The following SCHIP1 variants were observed in gnomAD, a reference collection of about 807,000 sequenced individuals.
The protein encoded by SCHIP1 is schwannomin interacting protein 1, also known as schwannomin-interacting protein 1.
Under a neutral mutation model 29.7 loss-of-function variants are expected in SCHIP1, and 8 were observed. The ratio of observed to expected loss-of-function variants is 0.27; its 90% CI spans 0.16 to 0.49. The LOEUF is 0.49. Among genes scored for constraint, SCHIP1 ranks in the 20% least tolerant of loss-of-function variants. The pLI is 0.99. For synonymous variants in SCHIP1, 76 were observed against 94.9 expected (o/e 0.80, Z 1.16); for missense variants, 193 against 294.6 (o/e 0.66, Z 2.52).
At chr3:159,722,463 C>A in the SCHIP1 span, 1 of 152,252 alleles carries the variant, frequency 6.6e-6, no homozygotes, top group Non-Finnish European at 1.5e-5. Context: ...CTTCTCGAGG[C>A]ATCTCATCAA....
chr3:159,610,306 A>C, the SCHIP1 span, among the ~76,000 whole-genome samples: 2 of 152,208 alleles, frequency 1.3e-5, no homozygotes, highest in African/African-American at 4.8e-5. Flanking sequence ...TGGAACTGAT[A>C]GGAACCGTTG....
intron 2 of SCHIP1, among the ~76,000 whole-genome samples, chr3:159,873,497 C>T (rs1715483688): frequency 6.6e-6 from 1 of 152,180 alleles, no homozygotes; most frequent in South Asian, 2.1e-4. Flanking sequence ...CTAGATGTTG[C>T]TATCTCCTAA....
chr3:159,627,047 G>A, the SCHIP1 span, among the ~76,000 whole-genome samples: 2 of 152,014 alleles, frequency 1.3e-5, no homozygotes, highest in East Asian at 1.9e-4. Context: ...CCACCCCGAC[G>A]GGCCCCGGTG....
At chr3:159,617,179 T>G in the SCHIP1 span, among the ~76,000 whole-genome samples, 3 of 152,314 alleles carry the variant, frequency 2.0e-5, no homozygotes, top group African/African-American at 7.2e-5. Context: ...TAGAGATATC[T>G]GGTAAGCAAC....
chr3:159,380,556 G>T, the SCHIP1 span, among the ~76,000 whole-genome samples: 2 of 151,918 alleles, frequency 1.3e-5, no homozygotes, highest in South Asian at 4.2e-4. Context: ...AAACATTAAT[G>T]GTAATATTAA....
the SCHIP1 span, among the ~76,000 whole-genome samples, chr3:159,712,088 G>A: frequency 2.0e-5 from 3 of 152,104 alleles, no homozygotes; most frequent in Non-Finnish European, 4.4e-5. Context: ...TGGCAGGAAC[G>A]CTGCTACAAA....
At chr3:159,461,058 C>T in the SCHIP1 span, among the ~76,000 whole-genome samples, 1 of 151,902 alleles carries the variant, frequency 6.6e-6, no homozygotes, top group African/African-American at 2.4e-5. Context: ...CAGAAAGTTC[C>T]AGGCCAACAC....
At chr3:159,770,715 G>T in the SCHIP1 span, among the ~76,000 whole-genome samples, 1 of 152,142 alleles carries the variant, frequency 6.6e-6, no homozygotes, top group African/African-American at 2.4e-5. Context: ...ACTGAAAGAG[G>T]TTTCCCCTTT....
the SCHIP1 span, among the ~76,000 whole-genome samples, chr3:159,554,340 CTG>C: frequency 2.6e-5 from 4 of 152,094 alleles, no homozygotes; most frequent in East Asian, 7.8e-4. Context: ...TTTATATAAA[CTG>C]GGGCTTTAAG....
chr3:159,595,677 C>T, the SCHIP1 span, among the ~76,000 whole-genome samples: 2 of 152,122 alleles, frequency 1.3e-5, no homozygotes, highest in Admixed American at 1.3e-4. Flanking sequence ...AATACCAGAA[C>T]TTAAACATAA....
chr3:159,435,658 G>A, the SCHIP1 span, among the ~76,000 whole-genome samples: 1 of 152,142 alleles, frequency 6.6e-6, no homozygotes, highest in African/African-American at 2.4e-5. Context: ...CATTATGCAT[G>A]TAAATGTAGT....
At chr3:159,746,452 G>C in the SCHIP1 span, among the ~76,000 whole-genome samples, 1 of 152,074 alleles carries the variant, frequency 6.6e-6, no homozygotes, top group Non-Finnish European at 1.5e-5. Flanking sequence ...ACTACTCCTT[G>C]ATTAGACTCT....
chr3:159,415,697 T>C, the SCHIP1 span, among the ~76,000 whole-genome samples: 1 of 152,218 alleles, frequency 6.6e-6, no homozygotes, highest in Non-Finnish European at 1.5e-5. Context: ...CTGTCACTGA[T>C]GGGCATTTAG....
the SCHIP1 span, among the ~76,000 whole-genome samples, chr3:159,592,538 G>A: frequency 6.6e-6 from 1 of 151,412 alleles, no homozygotes; most frequent in African/African-American, 2.4e-5. Flanking sequence ...TGAACACATC[G>A]GGCCCCTTCC....
At chr3:159,622,096 T>C in the SCHIP1 span, among the ~76,000 whole-genome samples, 1 of 152,224 alleles carries the variant, frequency 6.6e-6, no homozygotes, top group East Asian at 1.9e-4. Context: ...GTTCCAGAGA[T>C]TCACAAGGCA....
the SCHIP1 span, among the ~76,000 whole-genome samples, chr3:159,828,376 C>T: frequency 3.7e-3 from 276 of 75,534 alleles, 3 homozygotes; most frequent in African/African-American, 0.012. Flanking sequence ...TATATATATA[C>T]ATATATATAT....
the SCHIP1 span, among the ~76,000 whole-genome samples, chr3:159,284,570 C>A: frequency 6.6e-6 from 1 of 152,122 alleles, no homozygotes; most frequent in South Asian, 2.1e-4. Flanking sequence ...CTCAGGGCAA[C>A]CTCTGCTTCC....
chr3:159,711,724 A>G, the SCHIP1 span, among the ~76,000 whole-genome samples: 186 of 152,226 alleles, frequency 1.2e-3, no homozygotes, highest in African/African-American at 4.4e-3. Context: ...AACAGAAACC[A>G]CTCTAGCTAT....
chr3:159,298,394 G>C, the SCHIP1 span, among the ~76,000 whole-genome samples: 1 of 152,120 alleles, frequency 6.6e-6, no homozygotes, highest in Non-Finnish European at 1.5e-5. Context: ...GAAATTTCTT[G>C]CAGCAAATCA....
Sources: gnomAD v4.1 joint callset for allele counts (sites outside exome capture counted in the v4.1 genomes callset) on GRCh38, gnomAD v4.1.1 for gene constraint, MANE v1.5 for transcripts, NCBI Gene and HGNC (gene_info 2026-07-23, HGNC 2026-07-21) for gene names.